Variants in EML6 observed in about 807,000 individuals in gnomAD.
The protein encoded by EML6 is echinoderm microtubule-associated protein-like 6.
In EML6, 154 loss-of-function variants were observed where a neutral mutation model predicts 240.1. The observed-to-expected ratio is 0.64, with a 90% CI of 0.56 to 0.73. The LOEUF (loss-of-function observed/expected upper bound fraction) is 0.73, where lower values mean the gene tolerates loss of function less well. Among genes scored for constraint, EML6 ranks in the 30% least tolerant of loss-of-function variants. EML6 has a pLI of 0.00. For synonymous variants in EML6, 1,148 were observed against 899.0 expected, an observed-to-expected ratio of 1.28 and a Z score of -4.95; for missense variants, 2,964 against 2,474.6, an observed-to-expected ratio of 1.20 and a Z score of -4.20.
chr2:54,899,516 A>C, intron 21 of EML6, 125 bp from the exon 22 acceptor site: 1 of 938,990 alleles, frequency 1.1e-6, no homozygotes, highest in Non-Finnish European at 1.5e-6. Context: ...GGAAGCTCAA[A>C]GTGTGTTTAT....
At chr2:54,896,908 A>C (rs1398538020) in intron 21 of EML6, among the ~76,000 whole-genome samples, 1 of 152,224 alleles carries the variant, frequency 6.6e-6, no homozygotes, top group Non-Finnish European at 1.5e-5. Flanking sequence ...TGTTAAAAAC[A>C]AACCTCGAAA....
intron 32 of EML6, among the ~76,000 whole-genome samples, chr2:54,956,753 C>T (rs773521186): frequency 2.6e-5 from 4 of 151,468 alleles, no homozygotes; most frequent in Non-Finnish European, 4.4e-5. Context: ...AAAACAAATG[C>T]GAAGTGATGA....
chr2:54,897,504 A>C (rs1387146076), intron 21 of EML6, among the ~76,000 whole-genome samples: 1 of 152,198 alleles, frequency 6.6e-6, no homozygotes, highest in Non-Finnish European at 1.5e-5. Flanking sequence ...CATGCTAAGA[A>C]CTGCAGAGCT....
intron 22 of EML6, among the ~76,000 whole-genome samples, chr2:54,902,138 A>C (rs1349086313): frequency 6.6e-6 from 1 of 151,598 alleles, no homozygotes; most frequent in Non-Finnish European, 1.5e-5. Flanking sequence ...CTCTAAAGCA[A>C]GTTGTATGTA....
chr2:54,871,951 C>T (rs1671281171), intron 16 of EML6, among the ~76,000 whole-genome samples: 1 of 152,196 alleles, frequency 6.6e-6, no homozygotes, highest in African/African-American at 2.4e-5. Flanking sequence ...GACTTAGTCG[C>T]AAATGTCTGG....
chr2:54,920,614 A>C (rs1327995272), intron 26 of EML6, among the ~76,000 whole-genome samples: 3 of 152,112 alleles, frequency 2.0e-5, no homozygotes, highest in Non-Finnish European at 4.4e-5. Flanking sequence ...AAACTCTTTC[A>C]AAAAAAGAAA....
At chr2:54,910,137 G>A (rs547441741) in intron 24 of EML6, among the ~76,000 whole-genome samples, 317 of 152,264 alleles carry the variant, frequency 2.1e-3, no homozygotes, top group African/African-American at 3.7e-3. Context: ...TTGGCCATGT[G>A]TTAATAGCTG....
At chr2:54,961,309 C>A (rs1263416015) in intron 35 of EML6, among the ~76,000 whole-genome samples, 1 of 150,730 alleles carries the variant, frequency 6.6e-6, no homozygotes, top group Non-Finnish European at 1.5e-5. Flanking sequence ...CTCAGCCTCC[C>A]AAGTAGCTGG....
At chr2:54,922,291 G>A (rs1054749603) in intron 26 of EML6, among the ~76,000 whole-genome samples, 1 of 152,120 alleles carries the variant, frequency 6.6e-6, no homozygotes, top group Non-Finnish European at 1.5e-5. Flanking sequence ...ATGGCCAACA[G>A]GTATGTGAAA....
At chr2:54,814,455 C>G (rs1667993629) in intron 3 of EML6, among the ~76,000 whole-genome samples, 1 of 152,182 alleles carries the variant, frequency 6.6e-6, no homozygotes, top group Non-Finnish European at 1.5e-5. Flanking sequence ...ATTCCTGGCT[C>G]CGGCTGCATT....
At position 54,928,625 on chromosome 2, in the gene EML6, G is replaced by T. The variant is rs1330191667; in HGVS notation, c.3878G>T (p.Gly1293Val). Residue 1293 changes from glycine (G) to valine (V), a missense_variant and splice_region_variant, in exon 28 of 42, where the codon GGC (glycine) becomes GTC (valine). Physicochemically the swap from Gly to Val is moderately radical, Grantham distance 109 (BLOSUM62 -3). Coordinates refer to ENST00000356458, the MANE Select transcript of EML6 (RefSeq NM_001039753.4). ...ESDTDVEEDG[G>V]YDSDVAREKA... ...CCCCAATCTCTTTCTGTTGTTTGAG[G>T]CTATGACAGCGATGTTGCTAGAGAA... 2 of 1,552,138 alleles carry T rather than the reference G, an allele frequency of 1.3e-6. No homozygotes were observed. Among genetic ancestry groups the T allele is most frequent in the Non-Finnish European group, 1.7e-6 (2 of 1,147,094 alleles).
Position 54,953,263 on chromosome 2 carries a change from C to G in EML6, c.4312+571C>G, listed in dbSNP as rs546141007. On this transcript the variant is annotated intron_variant, in intron 31 of 41. Coordinates refer to ENST00000356458, the MANE Select transcript of EML6 (RefSeq NM_001039753.4). Reference sequence around the variant, plus strand: ...TATTTTAGCTATTGTTTTCCCTTGACGCTTCCTCATTGCCATTGCTCACCC... The same window carrying G: ...TATTTTAGCTATTGTTTTCCCTTGAGGCTTCCTCATTGCCATTGCTCACCC... Among the ~76,000 whole-genome samples the G allele has an allele frequency of 7.3e-4, 111 of 152,304 alleles. No homozygotes were observed. In the Middle Eastern group the frequency reaches 0.014, roughly 19 times the overall value.
At chr2:54,862,631 C>T (rs571320986) in intron 12 of EML6, among the ~76,000 whole-genome samples, 1 of 152,138 alleles carries the variant, frequency 6.6e-6, no homozygotes, top group South Asian at 2.1e-4. Flanking sequence ...GAAAAATTCC[C>T]AAGCCTAGGA....
Position 54,724,035 on chromosome 2 carries a change from G to A in EML6, c.-514+258G>A, listed in dbSNP as rs1682797727. On this transcript the variant is annotated intron_variant, in intron 1 of 41. Transcript: ENST00000356458. The surrounding 1 kb of genome is among the most constrained non-coding windows in gnomAD (Gnocchi z 5.2). Reference sequence around the variant, plus strand: ...GTGGGACCCGGTGTTTAGCGCAGAGGTTTCTGGGGAGAAGTACACGATTTT... The same window carrying A: ...GTGGGACCCGGTGTTTAGCGCAGAGATTTCTGGGGAGAAGTACACGATTTT... 6.6e-6 allele frequency among the ~76,000 whole-genome samples: 1 copy of A among 152,226 alleles called. No homozygotes were observed.
At chr2:54,865,053 T>G (rs1670894896) in intron 13 of EML6, among the ~76,000 whole-genome samples, 1 of 152,204 alleles carries the variant, frequency 6.6e-6, no homozygotes, top group Non-Finnish European at 1.5e-5. Flanking sequence ...GAAAGGAAAT[T>G]ATTAATGTGG....
chr2:54,825,207 A>AG (rs1188424241), intron 5 of EML6, among the ~76,000 whole-genome samples: 1 of 152,192 alleles, frequency 6.6e-6, no homozygotes, highest in East Asian at 1.9e-4. Flanking sequence ...TTCATGCATG[A>AG]GGAGGTGTAA....
intron 26 of EML6, among the ~76,000 whole-genome samples, chr2:54,919,715 T>G (rs1488644486): frequency 2.6e-5 from 4 of 152,238 alleles, no homozygotes; most frequent in Admixed American, 1.3e-4. Context: ...AGCAGCTATT[T>G]AGATAACTAA....
chr2:54,842,145 A>C (rs1369863789), intron 7 of EML6, among the ~76,000 whole-genome samples: 1 of 152,084 alleles, frequency 6.6e-6, no homozygotes, highest in Non-Finnish European at 1.5e-5. Flanking sequence ...GGGTTTTGAC[A>C]AATGTGTAAT....
intron 6 of EML6, among the ~76,000 whole-genome samples, chr2:54,828,928 A>G (rs945805560): frequency 3.9e-5 from 6 of 152,216 alleles, no homozygotes; most frequent in African/African-American, 7.2e-5. Flanking sequence ...TTTTGTGCCT[A>G]TGAAACTGTT....
Sources: gnomAD v4.1 joint callset for allele counts (sites outside exome capture counted in the v4.1 genomes callset) on GRCh38, gnomAD v4.1.1 for gene constraint, Gnocchi (gnomAD v3.1) non-coding constraint, MANE v1.5 for transcripts, NCBI Gene and HGNC (gene_info 2026-07-23, HGNC 2026-07-21) for gene names.